USP30: variants seen among roughly 807,000 people sequenced by gnomAD.
USP30 encodes the protein ubiquitin carboxyl-terminal hydrolase 30.
USP30 carries 41 observed loss-of-function variants against 68.2 expected under a neutral mutation model. That is an observed-to-expected ratio of 0.60 (90% CI 0.47 to 0.78). The LOEUF (loss-of-function observed/expected upper bound fraction) is 0.78. USP30 is among the 30% of genes least tolerant of loss of function. The pLI is 0.00. For synonymous variants in USP30, 229 were observed against 253.7 expected (o/e 0.90, Z 0.93); for missense variants, 522 against 649.4 (o/e 0.80, Z 2.13).
intron 3 of USP30, among the ~76,000 whole-genome samples, chr12:109,038,231 A>G (rs2135668945): frequency 8.4e-6 from 1 of 118,724 alleles, no homozygotes; most frequent in Middle Eastern, 7.7e-3. Context: ...GCCAGTTTCC[A>G]TGTGTTCTCA....
chr12:109,081,889 G>T (rs763107450), intron 8 of USP30, 44 bp from the exon 9 acceptor site: 1 of 1,575,002 alleles, frequency 6.3e-7, no homozygotes, highest in Admixed American at 1.7e-5. Context: ...TTTCAGTATA[G>T]CTGTCCTTTG....
chr12:109,068,240 C>T (rs2041322213), intron 4 of USP30, among the ~76,000 whole-genome samples: 1 of 152,148 alleles, frequency 6.6e-6, no homozygotes. Context: ...AAATCTAGCC[C>T]CCAGTGACAT....
intron 7 of USP30, among the ~76,000 whole-genome samples, chr12:109,080,733 A>G (rs1385193361): frequency 4.6e-5 from 7 of 152,214 alleles, no homozygotes; most frequent in African/African-American, 1.7e-4. Context: ...GTGGTCCCGT[A>G]AGATTATAAT....
At chr12:109,041,425 A>T (rs2135672478) in intron 3 of USP30, among the ~76,000 whole-genome samples, 1 of 152,228 alleles carries the variant, frequency 6.6e-6, no homozygotes, top group East Asian at 1.9e-4. Context: ...TCACGAGCTC[A>T]GGAGTTTGAG....
chr12:109,056,256 G>A (rs371844460), intron 1 of USP30, among the ~76,000 whole-genome samples: 11 of 152,200 alleles, frequency 7.2e-5, no homozygotes, highest in African/African-American at 2.2e-4. Context: ...GCAATGGCAC[G>A]ATCTCAGCTC....
chr12:109,045,239 A>G (rs1162910843), intron 3 of USP30, among the ~76,000 whole-genome samples: 1 of 152,180 alleles, frequency 6.6e-6, no homozygotes, highest in African/African-American at 2.4e-5. Context: ...TCGGCCTCCC[A>G]AAGTGCTGGG....
At chr12:109,025,991 G>T (rs377087654) in intron 2 of USP30, among the ~76,000 whole-genome samples, 1 of 151,932 alleles carries the variant, frequency 6.6e-6, no homozygotes, top group Admixed American at 6.6e-5. Flanking sequence ...GGCATGAAGC[G>T]TTTTTTAAGT....
chr12:109,047,644 G>A (rs1185979598), upstream of USP30: 5 of 152,156 alleles, frequency 3.3e-5, no homozygotes, highest in Non-Finnish European at 7.3e-5. Context: ...CTGCATATTT[G>A]AAGTGTTGCA....
At chr12:109,074,816 G>A (rs1409765533) in intron 7 of USP30, among the ~76,000 whole-genome samples, 1 of 152,148 alleles carries the variant, frequency 6.6e-6, no homozygotes, top group Non-Finnish European at 1.5e-5. Flanking sequence ...CATGCTGTAC[G>A]TTAACTCTCC....
intron 3 of USP30, among the ~76,000 whole-genome samples, chr12:109,046,636 A>G (rs1359210831): frequency 6.6e-6 from 1 of 152,184 alleles, no homozygotes; most frequent in Non-Finnish European, 1.5e-5. Flanking sequence ...CACCCAGGGA[A>G]AAAGATGAAT....
chr12:109,052,138 C>T (rs1409202859), upstream of USP30, among the ~76,000 whole-genome samples: 1 of 152,216 alleles, frequency 6.6e-6, no homozygotes, highest in Admixed American at 6.5e-5. Context: ...ATACCTGGCA[C>T]CCAAGTAAAC....
chr12:109,068,696 G>A (rs991068216), intron 4 of USP30, among the ~76,000 whole-genome samples: 4 of 152,140 alleles, frequency 2.6e-5, no homozygotes, highest in Non-Finnish European at 4.4e-5. Context: ...TTTAAGGTCC[G>A]ACTTCTCCAT....
chr12:109,056,483 G>A (rs374617622), intron 1 of USP30, among the ~76,000 whole-genome samples, 199 bp from the exon 2 acceptor site: 4 of 152,156 alleles, frequency 2.6e-5, no homozygotes, highest in African/African-American at 7.2e-5. Context: ...ATGAGCCACC[G>A]TGCCCAGCTG....
intron 3 of USP30, 148 bp downstream of exon 3, chr12:109,058,256 A>T: frequency 1.1e-6 from 1 of 907,234 alleles, no homozygotes; most frequent in East Asian, 2.7e-5. Flanking sequence ...CCCAATAGAT[A>T]CAAACAAGTA....
chr12:109,030,150 C>A (rs2040470747), intron 3 of USP30, among the ~76,000 whole-genome samples: 1 of 152,204 alleles, frequency 6.6e-6, no homozygotes, highest in Non-Finnish European at 1.5e-5. Context: ...TGTCGCCCTG[C>A]CCAGCTGTCA....
intron 3 of USP30, among the ~76,000 whole-genome samples, chr12:109,028,726 C>A (rs2040461810): frequency 6.6e-6 from 1 of 152,132 alleles, no homozygotes; most frequent in Non-Finnish European, 1.5e-5. Flanking sequence ...ATCCACCCCC[C>A]TCAGCCTCCC....
At chr12:109,064,874 TG>T (rs1322244762) in intron 3 of USP30, among the ~76,000 whole-genome samples, 2 of 144,096 alleles carry the variant, frequency 1.4e-5, no homozygotes, top group Non-Finnish European at 3.0e-5. Context: ...GGGTAGTTGG[TG>T]GGGGGAGCTA....
At chr12:109,062,809 T>C (rs1332717424) in intron 3 of USP30, among the ~76,000 whole-genome samples, 1 of 152,124 alleles carries the variant, frequency 6.6e-6, no homozygotes, top group African/African-American at 2.4e-5. Context: ...CGGCCATCCC[T>C]CTCTAGAACT....
chr12:109,036,749 C>T (rs2040524067), intron 3 of USP30, among the ~76,000 whole-genome samples: 1 of 151,832 alleles, frequency 6.6e-6, no homozygotes, highest in African/African-American at 2.4e-5. Context: ...TGAATATGTC[C>T]TTCTACTACC....
Sources: gnomAD v4.1 joint callset for allele counts (sites outside exome capture counted in the v4.1 genomes callset) on GRCh38, gnomAD v4.1.1 for gene constraint, MANE v1.5 for transcripts, NCBI Gene and HGNC (gene_info 2026-07-23, HGNC 2026-07-21) for gene names.